Variants in SPATA16 observed in about 807,000 individuals in gnomAD.
SPATA16 encodes spermatogenesis-associated protein 16.
In SPATA16, 36 loss-of-function variants were observed where a neutral mutation model predicts 63.3. The observed-to-expected ratio is 0.57, with a 90% CI of 0.44 to 0.75. The LOEUF is 0.75. Among genes scored for constraint, SPATA16 ranks in the 30% least tolerant of loss-of-function variants. The pLI is 0.00. For synonymous variants in SPATA16, 203 were observed against 216.7 expected (o/e 0.94, Z 0.56); for missense variants, 646 against 679.3 (o/e 0.95, Z 0.54).
chr3:173,017,636 G>A (rs544804443), intron 4 of SPATA16, among the ~76,000 whole-genome samples: 2 of 152,132 alleles, frequency 1.3e-5, no homozygotes, highest in African/African-American at 2.4e-5. Flanking sequence ...AGCTCGCTCC[G>A]AATTCCTGAA....
intron 6 of SPATA16, among the ~76,000 whole-genome samples, chr3:172,934,447 C>T (rs933571825): frequency 2.6e-5 from 4 of 151,968 alleles, no homozygotes; most frequent in Non-Finnish European, 4.4e-5. Flanking sequence ...TTTATAAGGT[C>T]CTGTATATTT....
At chr3:173,095,308 G>A (rs1168415698) in intron 2 of SPATA16, among the ~76,000 whole-genome samples, 1 of 152,080 alleles carries the variant, frequency 6.6e-6, no homozygotes, top group African/African-American at 2.4e-5. Context: ...GCAAACCAGA[G>A]TTAAAACTAT....
At chr3:172,993,385 G>A (rs1332722116) in intron 4 of SPATA16, among the ~76,000 whole-genome samples, 1 of 152,022 alleles carries the variant, frequency 6.6e-6, no homozygotes, top group Non-Finnish European at 1.5e-5. Context: ...CTTGATCAAT[G>A]GCAAATAAAT....
intron 2 of SPATA16, among the ~76,000 whole-genome samples, chr3:173,058,601 G>C (rs2108299219): frequency 6.6e-6 from 1 of 152,022 alleles, no homozygotes; most frequent in East Asian, 1.9e-4. Context: ...TTTGTTCTTT[G>C]ATAATTAGAT....
intron 1 of SPATA16, among the ~76,000 whole-genome samples, 180 bp downstream of exon 1, chr3:173,140,923 G>C (rs559056262): frequency 1.3e-3 from 196 of 152,218 alleles, no homozygotes; most frequent in African/African-American, 4.5e-3. Context: ...ATGATTTCTT[G>C]GTTACTTATT....
chr3:172,925,207 C>G (rs1732700402), intron 7 of SPATA16, 139 bp downstream of exon 7: 1 of 951,638 alleles, frequency 1.1e-6, no homozygotes, highest in Admixed American at 2.3e-5. Context: ...GAAAGATTTC[C>G]TGGAACCAGA....
Position 172,943,204 on chromosome 3 carries a change from A to C in SPATA16, c.1081+13473T>G, listed in dbSNP as rs367674400. 1.1e-4 allele frequency among the ~76,000 whole-genome samples: 16 copies of C among 152,342 alleles called. No individual in the cohort carries two copies. The East Asian group carries it at 2.7e-3, about 26-fold the overall frequency. ...GAGTTAAACGTAAGAAAAAGGATGC[A>C]ATAGAAAGGTTCGACAATGTCAAAA... On this transcript the variant is annotated intron_variant, in intron 6 of 10. Transcript: ENST00000351008.
chr3:172,982,280 G>T (rs1295920146), intron 4 of SPATA16, among the ~76,000 whole-genome samples: 1 of 152,178 alleles, frequency 6.6e-6, no homozygotes, highest in South Asian at 2.1e-4. Flanking sequence ...AAGTGGCATG[G>T]TAATGGAGTG....
chr3:173,006,712 T>C (rs937818616), intron 4 of SPATA16, among the ~76,000 whole-genome samples: 5 of 152,216 alleles, frequency 3.3e-5, no homozygotes, highest in African/African-American at 1.2e-4. Flanking sequence ...TGATTACTTA[T>C]CTACAGCAAT....
chr3:173,090,077 G>A (rs1412443141), intron 2 of SPATA16, among the ~76,000 whole-genome samples: 1 of 152,186 alleles, frequency 6.6e-6, no homozygotes, highest in East Asian at 1.9e-4. Context: ...GTTTGGATGT[G>A]TCCCTATCCA....
At chr3:173,087,515 C>A (rs1024135198) in intron 2 of SPATA16, among the ~76,000 whole-genome samples, 3 of 152,126 alleles carry the variant, frequency 2.0e-5, no homozygotes, top group African/African-American at 7.2e-5. Flanking sequence ...ACATTTAGCC[C>A]ATTTACATTT....
At chr3:172,956,314 C>A (rs1332843515) in intron 6 of SPATA16, among the ~76,000 whole-genome samples, 4 of 151,822 alleles carry the variant, frequency 2.6e-5, no homozygotes, top group Admixed American at 2.6e-4. Context: ...ATAGTAGGGA[C>A]TGGAAAAAAA....
At chr3:172,928,491 G>A (rs1412863223) in intron 6 of SPATA16, among the ~76,000 whole-genome samples, 1 of 152,134 alleles carries the variant, frequency 6.6e-6, no homozygotes, top group African/African-American at 2.4e-5. Flanking sequence ...TCGAGATTTG[G>A]CATTTTCTGG....
intron 2 of SPATA16, among the ~76,000 whole-genome samples, chr3:173,116,448 T>A (rs1484924576): frequency 6.6e-6 from 1 of 152,212 alleles, no homozygotes; most frequent in Non-Finnish European, 1.5e-5. Flanking sequence ...CTAGTATAAT[T>A]TTCCTACTAC....
intron 2 of SPATA16, among the ~76,000 whole-genome samples, chr3:173,056,727 A>AAAAAC (rs1201798242): frequency 6.6e-6 from 1 of 151,130 alleles, no homozygotes; most frequent in African/African-American, 2.4e-5. Context: ...AAAAAAAAAA[A>AAAAAC]AAGAAATGTG....
chr3:172,946,888 G>T (rs918440634), intron 6 of SPATA16, among the ~76,000 whole-genome samples: 2 of 152,170 alleles, frequency 1.3e-5, no homozygotes, highest in African/African-American at 2.4e-5. Context: ...TCTTGGGAGG[G>T]ACCCAGTGCT....
intron 2 of SPATA16, among the ~76,000 whole-genome samples, chr3:173,109,156 ACT>A (rs1453946261): frequency 6.6e-6 from 1 of 151,900 alleles, no homozygotes; most frequent in Non-Finnish European, 1.5e-5. Context: ...TAATGGGAAA[ACT>A]CTGTTCTCCC....
chr3:172,931,693 T>C (rs1732876113), intron 6 of SPATA16, among the ~76,000 whole-genome samples: 1 of 152,204 alleles, frequency 6.6e-6, no homozygotes, highest in African/African-American at 2.4e-5. Flanking sequence ...ACTAATAAAA[T>C]ATCTAGAGCT....
At chr3:173,078,053 T>C (rs918138007) in intron 2 of SPATA16, among the ~76,000 whole-genome samples, 11 of 152,316 alleles carry the variant, frequency 7.2e-5, no homozygotes, top group Middle Eastern at 3.4e-3. Flanking sequence ...AGCAATTATT[T>C]ATTATTTACA....
Sources: gnomAD v4.1 joint callset for allele counts (sites outside exome capture counted in the v4.1 genomes callset) on GRCh38, gnomAD v4.1.1 for gene constraint, MANE v1.5 for transcripts, NCBI Gene and HGNC (gene_info 2026-07-23, HGNC 2026-07-21) for gene names.